DGKD: variants seen among roughly 807,000 people sequenced by gnomAD.
DGKD encodes diacylglycerol kinase delta.
DGKD carries 68 observed loss-of-function variants against 154.4 expected under a neutral mutation model. That is an observed-to-expected ratio of 0.44 (90% CI 0.36 to 0.54). The LOEUF is 0.54. Among genes scored for constraint, DGKD ranks in the 20% least tolerant of loss-of-function variants. DGKD has a pLI of 0.00. For missense variants in DGKD, 1,343 were observed against 1,593.6 expected (o/e 0.84, Z 2.68); for synonymous variants, 693 against 638.0 (o/e 1.09, Z -1.30).
At chr2:233,362,027 A>G (rs567872402) in intron 1 of DGKD, among the ~76,000 whole-genome samples, 24 of 152,264 alleles carry the variant, frequency 1.6e-4, no homozygotes, top group South Asian at 4.1e-4. Flanking sequence ...CGAACTCCCA[A>G]TCTCAGGTGA....
At chr2:233,455,827 G>C (rs1166583242) in intron 19 of DGKD, among the ~76,000 whole-genome samples, 1 of 152,174 alleles carries the variant, frequency 6.6e-6, no homozygotes, top group East Asian at 1.9e-4. Context: ...AAATTTCTAG[G>C]AAAACAAAAG....
chr2:233,458,303 T>G lies in DGKD; in HGVS notation c.2600T>G (p.Phe867Cys). Reference protein sequence around the residue: ...KEDDTFAAPSFDDKILEVVAV... With the variant: ...KEDDTFAAPSCDDKILEVVAV... ...TTGCAGACTTTCGCAGCTCCATCAT[T>G]CGATGACAAGATTCTGGAGGTGGTC... Residue 867 changes from phenylalanine (F) to cysteine (C), a missense_variant, in exon 22 of 30, where the codon TTC (phenylalanine) becomes TGC (cysteine). Physicochemically the swap from Phe to Cys is radical, Grantham distance 205. Around this residue, in one of 6 missense-constraint regions of DGKD, gnomAD observed 429 missense variants for 496.3 expected, o/e 0.86. Transcript: ENST00000264057. The surrounding 1 kb of genome is among the most constrained non-coding windows in gnomAD (Gnocchi z 6.6). 6.2e-7 allele frequency: 1 copy of G among 1,612,692 alleles called. No individual in the cohort carries two copies. The highest frequency in any genetic ancestry group is 1.7e-5 in the Admixed American group (1 of 60,012).
rs531359131 is a variant in DGKD at position 233,382,098 on chromosome 2, G to T, written c.157-6159G>T. 3.3e-4 allele frequency among the ~76,000 whole-genome samples: 50 copies of T among 152,288 alleles called. No homozygotes were observed. In the South Asian group the frequency reaches 8.5e-3, roughly 26 times the overall value. On this transcript the variant is annotated intron_variant, in intron 1 of 29. Transcript: ENST00000264057. ...AAAATACAAAAAATTAACCAGGCAT[G>T]TAGTGCGCGCCTGTAATCCCAGCTA...
chr2:233,368,979 A>G (rs1702177585), intron 1 of DGKD, among the ~76,000 whole-genome samples: 1 of 152,182 alleles, frequency 6.6e-6, no homozygotes, highest in African/African-American at 2.4e-5. Context: ...CAGTCCTGGG[A>G]CGAGAGTGCC....
intron 3 of DGKD, among the ~76,000 whole-genome samples, chr2:233,406,840 C>T (rs959494119): frequency 6.6e-6 from 1 of 152,040 alleles, no homozygotes; most frequent in South Asian, 2.1e-4. Flanking sequence ...GTGCTCATAC[C>T]GTATAGCTCT....
intron 3 of DGKD, among the ~76,000 whole-genome samples, chr2:233,418,543 A>T (rs1430960781): frequency 2.6e-5 from 4 of 152,366 alleles, no homozygotes; most frequent in South Asian, 2.1e-4. Context: ...AAAAATAAAT[A>T]AATTAAAACA....
At chr2:233,427,711 A>C (rs2062359763) in intron 3 of DGKD, among the ~76,000 whole-genome samples, 1 of 152,196 alleles carries the variant, frequency 6.6e-6, no homozygotes, top group South Asian at 2.1e-4. Context: ...TTCTTATTTA[A>C]TACATTTGCT....
At chr2:233,384,118 T>C (rs1032860065) in intron 1 of DGKD, among the ~76,000 whole-genome samples, 6 of 152,158 alleles carry the variant, frequency 3.9e-5, no homozygotes, top group Non-Finnish European at 7.4e-5. Flanking sequence ...ACCTGTTATC[T>C]TGCTTTCTCC....
Position 233,445,795 on chromosome 2 carries a change from G to C in DGKD, c.1334+33G>C. 6.4e-7 allele frequency: 1 copy of C among 1,559,896 alleles called. No homozygotes were observed. Among genetic ancestry groups the C allele is most frequent in the Non-Finnish European group, 8.7e-7 (1 of 1,149,704 alleles). ...GGGATGTGCTCCGGTGCCGTATGAGGAGACTTTGAGAGACAGGTCCCTTTG... is the reference window on the plus strand; with the variant it reads ...GGGATGTGCTCCGGTGCCGTATGAGCAGACTTTGAGAGACAGGTCCCTTTG... On this transcript the variant is annotated intron_variant, in intron 11 of 29. Coordinates refer to ENST00000264057, the MANE Select transcript of DGKD (RefSeq NM_152879.3). This position sits in a 1 kb window ranked among gnomAD's most constrained non-coding sequence, Gnocchi z 5.5.
Position 233,459,634 on chromosome 2 carries a change from G to T in DGKD, c.2695-123G>T. The T allele has an allele frequency of 7.6e-7, 1 of 1,318,880 alleles. No individual in the cohort carries two copies. Among genetic ancestry groups the T allele is most frequent in the Non-Finnish European group, 1.0e-6 (1 of 968,544 alleles). The allele number at this position is 1,318,880 out of a possible 1,614,324, so 81.7% of individuals were successfully genotyped here. On this transcript the variant is annotated intron_variant, in intron 22 of 29. Transcript: ENST00000264057. This position sits in a 1 kb window ranked among gnomAD's most constrained non-coding sequence, Gnocchi z 5.7. ...GCGGAGCGCCATCCCAGAGGCAGAG[G>T]TGGGGTGTCCTGCAAGGCAGGGACG...
intron 3 of DGKD, chr2:233,392,003 A>G (rs1187886395): frequency 1.3e-5 from 2 of 151,992 alleles, no homozygotes; most frequent in Non-Finnish European, 2.9e-5. Context: ...ATTTCTTTGG[A>G]GTGTTCTGAG....
chr2:233,467,297 G>GTT, intron 28 of DGKD, 94 bp downstream of exon 28: 1 of 914,456 alleles, frequency 1.1e-6, no homozygotes, highest in South Asian at 1.4e-5. Context: ...TGGCCTTGCA[G>GTT]CTCCTCCCTC....
intron 18 of DGKD, among the ~76,000 whole-genome samples, chr2:233,453,451 A>G (rs1159832497): frequency 6.6e-6 from 1 of 152,154 alleles, no homozygotes; most frequent in Non-Finnish European, 1.5e-5. Context: ...CCCCTGGTAA[A>G]CAGTTTTGTC....
intron 1 of DGKD, among the ~76,000 whole-genome samples, chr2:233,382,369 T>A (rs1240732519): frequency 6.6e-6 from 1 of 152,272 alleles, no homozygotes; most frequent in African/African-American, 2.4e-5. Flanking sequence ...TGGGTGATGT[T>A]GCTTAATTAA....
intron 3 of DGKD, among the ~76,000 whole-genome samples, chr2:233,427,439 C>A (rs1008659312): frequency 1.3e-5 from 2 of 148,638 alleles, no homozygotes; most frequent in Non-Finnish European, 3.0e-5. Context: ...CTCCCAGGTT[C>A]AAGTGATCCT....
rs940838146 is a variant in DGKD at position 233,469,621 on chromosome 2, G to A, written c.*161G>A. ...CTACTTCCTCTGTCAGCTACAGAAAGCCTCCGTGACACCGTCCACCAGAGC... is the reference window on the plus strand; with the variant it reads ...CTACTTCCTCTGTCAGCTACAGAAAACCTCCGTGACACCGTCCACCAGAGC... On this transcript the variant is annotated 3_prime_UTR_variant, in exon 30 of 30. Coordinates refer to ENST00000264057, the MANE Select transcript of DGKD (RefSeq NM_152879.3). 5 of 632,266 alleles carry A rather than the reference G, an allele frequency of 7.9e-6. No homozygotes were observed. The highest frequency in any genetic ancestry group is 5.5e-5 in the African/African-American group (3 of 54,742). The allele number at this position is 632,266 out of a possible 1,614,324, so 39.2% of individuals were successfully genotyped here.
chr2:233,447,870 T>G (rs1230278082), intron 12 of DGKD: 6 of 1,387,154 alleles, frequency 4.3e-6, no homozygotes, highest in African/African-American at 1.5e-5. Flanking sequence ...TGCCTGCAGC[T>G]TGACGAAGCT....
intron 1 of DGKD, among the ~76,000 whole-genome samples, chr2:233,374,668 G>T (rs1477491992): frequency 2.6e-5 from 4 of 151,432 alleles, no homozygotes; most frequent in Admixed American, 6.6e-5. Flanking sequence ...TTAGAGGCAC[G>T]GTCTTGTTCT....
At position 233,354,580 on chromosome 2, in the gene DGKD, C is replaced by T; in HGVS notation, c.62C>T (p.Pro21Leu). The T allele has an allele frequency of 9.1e-7, 1 of 1,099,240 alleles. No individual in the cohort carries two copies. Among genetic ancestry groups the T allele is most frequent in the Non-Finnish European group, 1.1e-6 (1 of 889,066 alleles). The allele number at this position is 1,099,240 out of a possible 1,614,324, so 68.1% of individuals were successfully genotyped here. ...GPPQPPPPPP[P>L]EESSDSEPEA... ...CCGCAACCGCCTCCGCCGCCGCCGC[C>T]CGAGGAGTCGTCCGACAGCGAGCCC... Residue 21 changes from proline to leucine, a missense_variant, in exon 1 of 30, where the codon CCC becomes CTC. Coordinates refer to ENST00000264057, the MANE Select transcript of DGKD (RefSeq NM_152879.3). This position sits in a 1 kb window ranked among gnomAD's most constrained non-coding sequence, Gnocchi z 4.8.
Sources: gnomAD v4.1 joint callset for allele counts (sites outside exome capture counted in the v4.1 genomes callset) on GRCh38, gnomAD v4.1.1 for gene constraint, gnomAD v4.1.1 regional missense constraint, Gnocchi (gnomAD v3.1) non-coding constraint, MANE v1.5 for transcripts, NCBI Gene and HGNC (gene_info 2026-07-23, HGNC 2026-07-21) for gene names.